THRB: variants seen among roughly 807,000 people sequenced by gnomAD.
THRB encodes thyroid hormone receptor beta.
Under a neutral mutation model 47.8 loss-of-function variants are expected in THRB, and 12 were observed. The ratio of observed to expected loss-of-function variants is 0.25; its 90% CI spans 0.16 to 0.41. The LOEUF (loss-of-function observed/expected upper bound fraction) is 0.41. Among genes scored for constraint, THRB ranks in the 10% least tolerant of loss-of-function variants. THRB has a pLI of 1.00. For synonymous variants in THRB, 218 were observed against 212.2 expected (o/e 1.03, Z -0.24); for missense variants, 348 against 589.2 (o/e 0.59, Z 4.24).
chr3:24,124,485 G>T (rs969678608), intron 10 of THRB, among the ~76,000 whole-genome samples: 3 of 152,112 alleles, frequency 2.0e-5, no homozygotes, highest in African/African-American at 7.2e-5. Flanking sequence ...ATATAATGTG[G>T]GTTTTGTGGC....
At chr3:24,368,719 T>C (rs1232683793) in intron 1 of THRB, among the ~76,000 whole-genome samples, 2 of 152,214 alleles carry the variant, frequency 1.3e-5, no homozygotes, top group Non-Finnish European at 2.9e-5. Flanking sequence ...CCTTGATGAT[T>C]CTATTTCCCT....
intron 1 of THRB, among the ~76,000 whole-genome samples, chr3:24,393,571 G>T (rs2066737976): frequency 6.6e-6 from 1 of 152,108 alleles, no homozygotes; most frequent in Non-Finnish European, 1.5e-5. Context: ...AAATGACATA[G>T]ACCAAGAAAG....
chr3:24,271,463 G>A (rs1313924838), intron 3 of THRB, among the ~76,000 whole-genome samples: 1 of 152,184 alleles, frequency 6.6e-6, no homozygotes, highest in Non-Finnish European at 1.5e-5. Flanking sequence ...TTACTACAGG[G>A]CTTTTGCAGG....
chr3:24,356,330 A>G (rs985871778), intron 1 of THRB, among the ~76,000 whole-genome samples: 1 of 152,128 alleles, frequency 6.6e-6, no homozygotes, highest in Non-Finnish European at 1.5e-5. Flanking sequence ...CCAAGACTTT[A>G]GTGGAAGGCT....
At chr3:24,319,887 G>T (rs1274380442) in intron 2 of THRB, among the ~76,000 whole-genome samples, 2 of 152,176 alleles carry the variant, frequency 1.3e-5, no homozygotes, top group Admixed American at 6.5e-5. Context: ...GAACTGGCAT[G>T]GTTGCGGAAC....
chr3:24,490,398 T>C (rs911857462), intron 1 of THRB, among the ~76,000 whole-genome samples: 2 of 152,216 alleles, frequency 1.3e-5, no homozygotes, highest in Non-Finnish European at 1.5e-5. Flanking sequence ...AGTCCAAATA[T>C]GACACTTAAT....
Position 24,164,075 on chromosome 3 carries a change from A to G in THRB, c.284-11585T>C, listed in dbSNP as rs145970146. On this transcript the variant is annotated intron_variant, in intron 5 of 10. Coordinates refer to ENST00000646209, the MANE Select transcript of THRB (RefSeq NM_001354712.2). ...ACTCGTAAATTTGGTTCTCTATGCA[A>G]TATCCTATAGATTATATACAAAAGC... is the stretch of plus-strand genomic sequence containing the variant. 2.1e-3 allele frequency among the ~76,000 whole-genome samples: 326 copies of G among 152,252 alleles called. 1 individual carries two copies. The highest frequency in any genetic ancestry group is 7.5e-3 in the African/African-American group (313 of 41,584).
At chr3:24,299,296 T>C (rs750218208) in intron 2 of THRB, among the ~76,000 whole-genome samples, 7 of 142,152 alleles carry the variant, frequency 4.9e-5, no homozygotes, top group Non-Finnish European at 1.1e-4. Flanking sequence ...AGGTTCACTG[T>C]AGAATAAAAT....
chr3:24,362,617 T>C (rs2064155279), intron 1 of THRB, among the ~76,000 whole-genome samples: 1 of 152,234 alleles, frequency 6.6e-6, no homozygotes, highest in African/African-American at 2.4e-5. Flanking sequence ...GATTTTATTC[T>C]GTTTTGTTGA....
intron 3 of THRB, among the ~76,000 whole-genome samples, chr3:24,255,853 G>C (rs933445469): frequency 6.6e-6 from 1 of 152,188 alleles, no homozygotes; most frequent in African/African-American, 2.4e-5. Flanking sequence ...TTAAGTGAAG[G>C]AAGTAGCAAT....
At chr3:24,170,619 G>A (rs1181414206) in intron 5 of THRB, among the ~76,000 whole-genome samples, 2 of 152,118 alleles carry the variant, frequency 1.3e-5, no homozygotes, top group Non-Finnish European at 2.9e-5. Context: ...GTTTTTGCCT[G>A]CCTCAATTCA....
rs562709344 is a variant in THRB, at chr3:24,342,670, A to G, written c.-260-5299T>C. ...AATACAGAGGCAGGGCATGGAGAGG[A>G]TCTGTGGGCAAGCAGGTGAATACAC... On this transcript the variant is annotated intron_variant, in intron 1 of 10. Transcript: ENST00000646209. Among the ~76,000 whole-genome samples the G allele has an allele frequency of 2.9e-4, 44 of 152,168 alleles. No individual in the cohort carries two copies. In the South Asian group the frequency reaches 7.1e-3, roughly 24 times the overall value.
intron 8 of THRB, among the ~76,000 whole-genome samples, chr3:24,134,776 C>T (rs1443518844): frequency 6.6e-6 from 1 of 152,174 alleles, no homozygotes; most frequent in East Asian, 1.9e-4. Flanking sequence ...GTGGTGGCCA[C>T]CTTTGCCTAG....
intron 2 of THRB, among the ~76,000 whole-genome samples, chr3:24,327,439 C>T (rs1222140633): frequency 6.6e-6 from 1 of 152,082 alleles, no homozygotes; most frequent in African/African-American, 2.4e-5. Context: ...CAATCAGATC[C>T]TAAAGGATAC....
chr3:24,242,677 T>TGAA (rs1367017845), intron 3 of THRB, among the ~76,000 whole-genome samples: 12 of 152,164 alleles, frequency 7.9e-5, no homozygotes, highest in African/African-American at 2.9e-4. Context: ...ATCACATACC[T>TGAA]TCTTCTTGAG....
At chr3:24,451,225 T>C (rs1157541999) in intron 1 of THRB, among the ~76,000 whole-genome samples, 1 of 143,678 alleles carries the variant, frequency 7.0e-6, no homozygotes, top group East Asian at 2.0e-4. Flanking sequence ...AGCCACTACA[T>C]GTACTTTTTT....
chr3:24,387,680 A>T (rs948294045), intron 1 of THRB, among the ~76,000 whole-genome samples: 2 of 152,146 alleles, frequency 1.3e-5, no homozygotes. Flanking sequence ...GCATCATTAC[A>T]TTCCATTACA....
At chr3:24,470,528 C>A (rs921386421) in intron 1 of THRB, among the ~76,000 whole-genome samples, 1 of 152,176 alleles carries the variant, frequency 6.6e-6, no homozygotes, top group Non-Finnish European at 1.5e-5. Flanking sequence ...GGAACGGTGC[C>A]TGGTACTTAA....
At chr3:24,346,701 A>G (rs1279339225) in intron 1 of THRB, among the ~76,000 whole-genome samples, 1 of 152,064 alleles carries the variant, frequency 6.6e-6, no homozygotes, top group Admixed American at 6.6e-5. Context: ...ACATTTCATA[A>G]TAGTAAAAGA....
Sources: gnomAD v4.1 joint callset for allele counts (sites outside exome capture counted in the v4.1 genomes callset) on GRCh38, gnomAD v4.1.1 for gene constraint, MANE v1.5 for transcripts, NCBI Gene and HGNC (gene_info 2026-07-23, HGNC 2026-07-21) for gene names.